Variants in LRP1 observed in about 807,000 individuals in gnomAD.
LRP1 encodes the protein prolow-density lipoprotein receptor-related protein 1.
LRP1 carries 51 observed loss-of-function variants against 541.5 expected under a neutral mutation model. That is an observed-to-expected ratio of 0.09 (90% CI 0.08 to 0.12). LRP1 has a LOEUF of 0.12. LRP1 is among the 10% of genes least tolerant of loss of function. The pLI is 1.00. For missense variants in LRP1, 3,878 were observed against 6,376.2 expected (o/e 0.61, Z 13.34); for synonymous variants, 2,219 against 2,470.8 (o/e 0.90, Z 3.02).
chr12:57,197,322 G>A lies in LRP1; in HGVS notation c.9100G>A (p.Ala3034Thr), dbSNP rs1408790747. The A allele has an allele frequency of 4.3e-6, 7 of 1,613,920 alleles. No homozygotes were observed. The highest frequency in any genetic ancestry group is 3.3e-5 in the Admixed American group (2 of 59,998). ...VTDEEPFLIF[A>T]NRYYLRKLNL... is the part of the protein sequence containing the mutation. The stretch of plus-strand genomic sequence containing the variant: ...AGACGAGGAACCGTTTCTGATCTTC[G>A]CCAACCGGTACTACCTGCGCAAGCT... The change falls in exon 57 of 89, where the codon GCC (alanine) becomes ACC (threonine). Residue 3034 changes from alanine to threonine, a missense_variant. Physicochemically the swap from Ala to Thr is moderately conservative, Grantham distance 58 (BLOSUM62 0). Coordinates refer to ENST00000243077, the MANE Select transcript of LRP1 (RefSeq NM_002332.3). The surrounding 1 kb of genome is among the most constrained non-coding windows in gnomAD (Gnocchi z 4.5).
At chr12:57,209,950 G>A in intron 80 of LRP1, 79 bp from the exon 81 acceptor site, 1 of 1,590,582 alleles carries the variant, frequency 6.3e-7, no homozygotes, top group Non-Finnish European at 8.6e-7. Context: ...GGACCTGGTG[G>A]AGAGGGGGTC....
chr12:57,200,278 A>G (rs1465833925), intron 62 of LRP1, 164 bp from the exon 63 acceptor site: 3 of 656,626 alleles, frequency 4.6e-6, no homozygotes, highest in Non-Finnish European at 5.6e-6. Flanking sequence ...ACCCTATCCC[A>G]CGCAGCCCCA....
chr12:57,194,108 T>C (rs1280138466), intron 48 of LRP1, 96 bp downstream of exon 48: 1 of 1,173,040 alleles, frequency 8.5e-7, no homozygotes, highest in African/African-American at 1.5e-5. Flanking sequence ...CACATTCCTC[T>C]CTGCCTTCCC....
At position 57,211,801 on chromosome 12, in the gene LRP1, G is replaced by C. The variant is rs2036924600; in HGVS notation, c.13245G>C (p.Gln4415His). The change falls in exon 86 of 89, where the codon CAG becomes CAC. Residue 4415 changes from glutamine (Q) to histidine (H), a missense_variant. By Grantham distance (24) the Gln-to-His change is conservative. Around this residue, in one of 13 missense-constraint regions of LRP1, gnomAD observed 871 missense variants for 1,212.4 expected, o/e 0.72. Transcript: ENST00000243077. This position sits in a 1 kb window ranked among gnomAD's most constrained non-coding sequence, Gnocchi z 4.3. ...GPRCEEHVFS[Q>H]QQPGHIASIL... is the part of the protein sequence containing the mutation. ...GGTGTGAGGAGCACGTCTTCAGCCAGCAGCAGCCAGGACGTAGGTGGCAGG... is the reference window on the plus strand; with the variant it reads ...GGTGTGAGGAGCACGTCTTCAGCCACCAGCAGCCAGGACGTAGGTGGCAGG... 1.2e-6 allele frequency: 2 copies of C among 1,612,634 alleles called. No individual in the cohort carries two copies. Among genetic ancestry groups the C allele is most frequent in the Non-Finnish European group, 1.7e-6 (2 of 1,179,958 alleles).
chr12:57,205,636 C>T lies in LRP1; in HGVS notation c.11549C>T (p.Ala3850Val). Reference protein sequence around the residue: ...NTKGGHLCSCARNFMKTHNTC... With the variant: ...NTKGGHLCSCVRNFMKTHNTC... The stretch of plus-strand genomic sequence containing the variant: ...AAGGGCGGCCACCTCTGCAGCTGCG[C>T]TCGGAACTTCATGAAGACGCACAAC... The change falls in exon 75 of 89, where the codon GCT becomes GTT. Residue 3850 changes from alanine (A) to valine (V), a missense_variant. By Grantham distance (64) the Ala-to-Val change is moderately conservative. Transcript: ENST00000243077. The surrounding 1 kb of genome is among the most constrained non-coding windows in gnomAD (Gnocchi z 4.6). The T allele has an allele frequency of 6.2e-7, 1 of 1,613,342 alleles. No individual in the cohort carries two copies. Among genetic ancestry groups the T allele is most frequent in the Non-Finnish European group, 8.5e-7 (1 of 1,180,018 alleles).
At position 57,204,314 on chromosome 12, in the gene LRP1, C is replaced by G. The variant is rs1267759554; in HGVS notation, c.10952-96C>G. The G allele has an allele frequency of 6.6e-6, 9 of 1,369,688 alleles. No homozygotes were observed. Among genetic ancestry groups the G allele is most frequent in the Non-Finnish European group, 7.7e-6 (8 of 1,034,942 alleles). The allele number at this position is 1,369,688 out of a possible 1,614,324, so 84.8% of individuals were successfully genotyped here. A position where few individuals can be genotyped will look rare whatever the true frequency, so the allele number is the denominator to read the frequency against. On this transcript the variant is annotated intron_variant, in intron 70 of 88. Transcript: ENST00000243077. This position sits in a 1 kb window ranked among gnomAD's most constrained non-coding sequence, Gnocchi z 5.3. The stretch of plus-strand genomic sequence containing the variant: ...CCAATTTGGCTGTGCCACTGCTTGC[C>G]TGGTGACCCCTCTGAGCCTGGAACC...
chr12:57,186,545 C>A (rs1486920198), intron 41 of LRP1, among the ~76,000 whole-genome samples: 1 of 152,252 alleles, frequency 6.6e-6, no homozygotes, highest in Non-Finnish European at 1.5e-5. Context: ...CTAGGTGCTA[C>A]GTATACAGAC....
At position 57,198,214 on chromosome 12, in the gene LRP1, G is replaced by A. The variant is rs2036575705; in HGVS notation, c.9341G>A (p.Gly3114Asp). 2.5e-6 allele frequency: 4 copies of A among 1,613,346 alleles called. No individual in the cohort carries two copies. The highest frequency in any genetic ancestry group is 1.8e-4 in the Middle Eastern group (1 of 5,670). ...PDGLAVDWVG[G>D]NLYWCDKGRD... ...GGGCTGGCTGTGGACTGGGTGGGTG[G>A]CAACCTGTACTGGTGCGACAAAGGC... is the stretch of plus-strand genomic sequence containing the variant. Residue 3114 changes from glycine (G) to aspartate (D), a missense_variant, in exon 59 of 89, where the codon GGC (glycine) becomes GAC (aspartate). Physicochemically the swap from Gly to Asp is moderately conservative, Grantham distance 94. Around this residue, in one of 13 missense-constraint regions of LRP1, gnomAD observed 1,100 missense variants for 1,827.4 expected, o/e 0.60. Transcript: ENST00000243077.
chr12:57,204,331 C>G lies in LRP1; in HGVS notation c.10952-79C>G. ...CTGCTTGCCTGGTGACCCCTCTGAGCCTGGAACCCCCACCTGTGGAGACAG... is the reference window on the plus strand; with the variant it reads ...CTGCTTGCCTGGTGACCCCTCTGAGGCTGGAACCCCCACCTGTGGAGACAG... On this transcript the variant is annotated intron_variant, in intron 70 of 88. Transcript: ENST00000243077. The surrounding 1 kb of genome is among the most constrained non-coding windows in gnomAD (Gnocchi z 5.3). The G allele has an allele frequency of 4.2e-6, 6 of 1,442,238 alleles. No individual in the cohort carries two copies. Among genetic ancestry groups the G allele is most frequent in the Non-Finnish European group, 5.5e-6 (6 of 1,090,304 alleles). The allele number at this position is 1,442,238 out of a possible 1,614,324, so 89.3% of individuals were successfully genotyped here.
intron 15 of LRP1, 104 bp downstream of exon 15, chr12:57,163,087 G>A: frequency 7.0e-7 from 1 of 1,438,760 alleles, no homozygotes; most frequent in East Asian, 2.5e-5. Context: ...GATTAAGGAG[G>A]CAATGAGGGG....
In LRP1 at chr12:57,180,396, G is replaced by T. The variant is rs775048472; in HGVS notation, c.5303G>T (p.Arg1768Leu). Residue 1768 changes from arginine (R) to leucine (L), a missense_variant, in exon 32 of 89, where the codon CGC (arginine) becomes CTC (leucine). By Grantham distance (102) the Arg-to-Leu change is moderately radical. Around this residue, in one of 13 missense-constraint regions of LRP1, gnomAD observed 394 missense variants for 635.9 expected, o/e 0.62. Coordinates refer to ENST00000243077, the MANE Select transcript of LRP1 (RefSeq NM_002332.3). ...WISSGNHTIN[R>L]CNLDGSGLEV... ...AGCTCCGGGAACCATACCATCAACC[G>T]CTGCAACCTGGATGGGAGTGGGCTG... 6 of 1,614,018 alleles carry T rather than the reference G, an allele frequency of 3.7e-6. No homozygotes were observed. Among genetic ancestry groups the T allele is most frequent in the African/African-American group, 1.3e-5 (1 of 74,930 alleles).
chr12:57,147,970 C>T (rs2035447736), intron 6 of LRP1, among the ~76,000 whole-genome samples: 1 of 152,176 alleles, frequency 6.6e-6, no homozygotes, highest in Non-Finnish European at 1.5e-5. Context: ...TCCCCCTCCC[C>T]TCTGCCGCTG....
chr12:57,134,416 G>A (rs1278628566), intron 1 of LRP1, among the ~76,000 whole-genome samples: 4 of 152,238 alleles, frequency 2.6e-5, no homozygotes, highest in East Asian at 1.9e-4. Context: ...GAACGACAGC[G>A]TTCTCCCTGC....
intron 12 of LRP1, among the ~76,000 whole-genome samples, chr12:57,160,208 T>C (rs1300726340): frequency 6.6e-6 from 1 of 152,110 alleles, no homozygotes; most frequent in Admixed American, 6.5e-5. Flanking sequence ...TCTGATCCTG[T>C]CACTCCCAGT....
chr12:57,136,150 A>T (rs1303635475), intron 1 of LRP1, among the ~76,000 whole-genome samples: 2 of 152,066 alleles, frequency 1.3e-5, no homozygotes, highest in Non-Finnish European at 1.5e-5. Flanking sequence ...GGAAGACCTC[A>T]CAGCTGGCCC....
chr12:57,208,153 G>T lies in LRP1; in HGVS notation c.11975G>T (p.Arg3992Leu), dbSNP rs755903131. The change falls in exon 77 of 89, where the codon CGC (arginine) becomes CTC (leucine). Residue 3992 changes from arginine to leucine, a missense_variant. Physicochemically the swap from Arg to Leu is moderately radical, Grantham distance 102 (BLOSUM62 -2). Transcript: ENST00000243077. ...IEVAQMKGEN[R>L]KTLISGMIDE... is the part of the protein sequence containing the mutation. ...GTGGCGCAGATGAAGGGCGAGAACCGCAAGACGCTCATCTCGGGCATGATT... is the reference window on the plus strand; with the variant it reads ...GTGGCGCAGATGAAGGGCGAGAACCTCAAGACGCTCATCTCGGGCATGATT... 6 of 1,614,120 alleles carry T rather than the reference G, an allele frequency of 3.7e-6. No individual in the cohort carries two copies. Among genetic ancestry groups the T allele is most frequent in the African/African-American group, 1.3e-5 (1 of 75,060 alleles).
rs2036118418 is a variant in LRP1 at position 57,179,511 on chromosome 12, C to T, written c.4921C>T (p.Arg1641Trp). Residue 1641 changes from arginine (R) to tryptophan (W), a missense_variant, in exon 29 of 89, where the codon CGG becomes TGG. Coordinates refer to ENST00000243077, the MANE Select transcript of LRP1 (RefSeq NM_002332.3). The surrounding 1 kb of genome is among the most constrained non-coding windows in gnomAD (Gnocchi z 6.8). ...TGACGTGCGGACACAGGCCATCAAG[C>T]GGGCCTTCATCAACGGCACAGGCGT... ...WSDVRTQAIK[R>W]AFINGTGVET... The T allele has an allele frequency of 1.2e-6, 2 of 1,614,172 alleles. No individual in the cohort carries two copies. Among genetic ancestry groups the T allele is most frequent in the Non-Finnish European group, 1.7e-6 (2 of 1,180,014 alleles).
intron 46 of LRP1, 108 bp from the exon 47 acceptor site, chr12:57,193,457 TG>T: frequency 1.3e-6 from 2 of 1,517,002 alleles, no homozygotes; most frequent in Non-Finnish European, 1.8e-6. Flanking sequence ...TAGCCTGGAC[TG>T]GGCCTTTGGG....
chr12:57,141,302 T>A (rs1346227550), intron 2 of LRP1, 72 bp from the exon 3 acceptor site: 5 of 1,583,184 alleles, frequency 3.2e-6, no homozygotes, highest in African/African-American at 1.3e-5. Flanking sequence ...TCTCCCCTCA[T>A]CCCCAGTGAA....
Sources: gnomAD v4.1 joint callset for allele counts (sites outside exome capture counted in the v4.1 genomes callset) on GRCh38, gnomAD v4.1.1 for gene constraint, gnomAD v4.1.1 regional missense constraint, Gnocchi (gnomAD v3.1) non-coding constraint, MANE v1.5 for transcripts, NCBI Gene and HGNC (gene_info 2026-07-23, HGNC 2026-07-21) for gene names.